KIRREL3: variants seen among roughly 807,000 people sequenced by gnomAD.
KIRREL3 encodes kin of IRRE-like protein 3.
A neutral mutation model predicts 89.7 loss-of-function variants in KIRREL3; 36 were observed. That is an observed-to-expected ratio of 0.40 (90% CI 0.31 to 0.53). The LOEUF is 0.53. Among genes scored for constraint, KIRREL3 ranks in the 20% least tolerant of loss-of-function variants. The pLI is 0.49. For missense variants in KIRREL3, 864 were observed against 1,056.6 expected (o/e 0.82, Z 2.53); for synonymous variants, 445 against 441.4 (o/e 1.01, Z -0.10).
chr11:126,500,566 C>T (rs894928310), intron 4 of KIRREL3, among the ~76,000 whole-genome samples: 2 of 152,006 alleles, frequency 1.3e-5, no homozygotes, highest in Non-Finnish European at 2.9e-5. Context: ...ATGGTGAAAC[C>T]CCGTCTCTAC....
rs1400381344 is a variant in KIRREL3, at chr11:126,993,411, G to A, written c.55+7044C>T. ...TTTGCATACACTGTAAGGTATGTAAGAGACTGGAAATCGCTTTTCATGCTT... is the reference window on the plus strand; with the variant it reads ...TTTGCATACACTGTAAGGTATGTAAAAGACTGGAAATCGCTTTTCATGCTT... On this transcript the variant is annotated intron_variant, in intron 1 of 16. Transcript: ENST00000525144. The surrounding 1 kb of genome is among the most constrained non-coding windows in gnomAD (Gnocchi z 6.1). Among the ~76,000 whole-genome samples, 1 of 152,202 alleles carries A rather than the reference G, an allele frequency of 6.6e-6. No homozygotes were observed. The highest frequency in any genetic ancestry group is 1.9e-4 in the East Asian group (1 of 5,198).
rs1248523638 is a variant in KIRREL3 at position 126,578,684 on chromosome 11, G to C, written c.56-15772C>G. ...CGCCTCACACCCATGGAGAGTTCTC[G>C]CAATGGGTATGGCAAACTTCCTGAC... On this transcript the variant is annotated intron_variant, in intron 1 of 16. Transcript: ENST00000525144. This position sits in a 1 kb window ranked among gnomAD's most constrained non-coding sequence, Gnocchi z 4.9. 2.6e-5 allele frequency among the ~76,000 whole-genome samples: 4 copies of C among 152,118 alleles called. No homozygotes were observed. The highest frequency in any genetic ancestry group is 7.2e-5 in the African/African-American group (3 of 41,426).
At position 126,477,252 on chromosome 11, in the gene KIRREL3, A is replaced by G. The variant is rs560125442; in HGVS notation, c.434-3786T>C. 1.3e-3 allele frequency among the ~76,000 whole-genome samples: 196 copies of G among 152,368 alleles called. 1 individual carries two copies. Among genetic ancestry groups the G allele is most frequent in the Middle Eastern group, 6.8e-3 (2 of 294 alleles). ...TTTACAGTTTACTCTCCCATTGGCCAGGACTGGAGCAGGCAGCTTCAGTCT... is the reference window on the plus strand; with the variant it reads ...TTTACAGTTTACTCTCCCATTGGCCGGGACTGGAGCAGGCAGCTTCAGTCT... On this transcript the variant is annotated intron_variant, in intron 4 of 16. Transcript: ENST00000525144. This position sits in a 1 kb window ranked among gnomAD's most constrained non-coding sequence, Gnocchi z 4.8.
chr11:126,835,444 G>C (rs80175076), intron 1 of KIRREL3, among the ~76,000 whole-genome samples: 2,046 of 152,294 alleles, frequency 0.013, 46 homozygotes, highest in African/African-American at 0.047. Context: ...CAGAAAGATT[G>C]AAGCTCCTTG....
Position 126,455,562 on chromosome 11 carries a change from G to T in KIRREL3, c.848+787C>A, listed in dbSNP as rs1285829440. On this transcript the variant is annotated intron_variant, in intron 7 of 16. Coordinates refer to ENST00000525144, the MANE Select transcript of KIRREL3 (RefSeq NM_032531.4). The surrounding 1 kb of genome is among the most constrained non-coding windows in gnomAD (Gnocchi z 6.4). ...CCAGCACTTTGGGAGGCTGAGGCAGGTGGATCACGAGGTCAGGAGATCGAG... is the reference window on the plus strand; with the variant it reads ...CCAGCACTTTGGGAGGCTGAGGCAGTTGGATCACGAGGTCAGGAGATCGAG... Among the ~76,000 whole-genome samples, 2 of 152,032 alleles carry T rather than the reference G, an allele frequency of 1.3e-5. No homozygotes were observed. Among genetic ancestry groups the T allele is most frequent in the Non-Finnish European group, 2.9e-5 (2 of 68,012 alleles).
chr11:126,728,039 T>C (rs1343023270), intron 1 of KIRREL3, among the ~76,000 whole-genome samples: 1 of 151,926 alleles, frequency 6.6e-6, no homozygotes, highest in African/African-American at 2.4e-5. Context: ...CTGATGCACC[T>C]GGCATGACAC....
intron 1 of KIRREL3, among the ~76,000 whole-genome samples, chr11:126,882,135 C>T (rs1222504392): frequency 6.6e-6 from 1 of 152,114 alleles, no homozygotes; most frequent in Non-Finnish European, 1.5e-5. Flanking sequence ...CTTTGTTCAC[C>T]CTGACTCCTG....
chr11:126,674,973 G>T (rs1946121984), intron 1 of KIRREL3, among the ~76,000 whole-genome samples: 2 of 152,190 alleles, frequency 1.3e-5, no homozygotes, highest in South Asian at 4.1e-4. Context: ...GCACCTGATG[G>T]GATTTGCCTC....
Position 126,694,283 on chromosome 11 carries a change from C to G in KIRREL3, c.56-131371G>C, listed in dbSNP as rs1386121895. 6.6e-6 allele frequency among the ~76,000 whole-genome samples: 1 copy of G among 152,152 alleles called. No homozygotes were observed. Among genetic ancestry groups the G allele is most frequent in the Admixed American group, 6.5e-5 (1 of 15,282 alleles). ...GAAATGCTCACTGCAAATGGTTGTT[C>G]TTGTTTTATTGCTTATTTATGGGAA... On this transcript the variant is annotated intron_variant, in intron 1 of 16. Transcript: ENST00000525144. This position sits in a 1 kb window ranked among gnomAD's most constrained non-coding sequence, Gnocchi z 4.4.
At chr11:126,770,335 C>A (rs76976605) in intron 1 of KIRREL3, among the ~76,000 whole-genome samples, 8,450 of 152,232 alleles carry the variant, frequency 0.056, 306 homozygotes, top group Non-Finnish European at 0.084. Flanking sequence ...TCTGGTTGGT[C>A]CCCAAGACTT....
chr11:126,599,767 G>T (rs1369311121), intron 1 of KIRREL3, among the ~76,000 whole-genome samples: 1 of 152,214 alleles, frequency 6.6e-6, no homozygotes, highest in African/African-American at 2.4e-5. Flanking sequence ...CCTTCACTGT[G>T]GTTGAAGGGC....
Position 126,490,664 on chromosome 11 carries a change from G to A in KIRREL3, c.434-17198C>T, listed in dbSNP as rs1196441080. 6.6e-6 allele frequency among the ~76,000 whole-genome samples: 1 copy of A among 152,308 alleles called. No homozygotes were observed. On this transcript the variant is annotated intron_variant, in intron 4 of 16. Coordinates refer to ENST00000525144, the MANE Select transcript of KIRREL3 (RefSeq NM_032531.4). This position sits in a 1 kb window ranked among gnomAD's most constrained non-coding sequence, Gnocchi z 4.2. ...TAAGAGGGATAATAATTCTGTGAAG[G>A]TTAGGAGAAGTTCCATGGGATGGCA... is the stretch of plus-strand genomic sequence containing the variant.
chr11:126,849,793 C>T (rs1366816803), intron 1 of KIRREL3, among the ~76,000 whole-genome samples: 3 of 152,094 alleles, frequency 2.0e-5, no homozygotes, highest in African/African-American at 7.2e-5. Context: ...GCGGCTTTTC[C>T]AATGGATGCA....
Position 127,000,695 on chromosome 11 carries a change from C to T in KIRREL3, c.-186G>A, listed in dbSNP as rs538470105. 29 of 563,798 alleles carry T rather than the reference C, an allele frequency of 5.1e-5. No homozygotes were observed. In the East Asian group the frequency reaches 8.3e-4, roughly 16 times the overall value. 34.9% of individuals were successfully genotyped at this position (563,798 alleles called of 1,614,324 possible). On this transcript the variant is annotated 5_prime_UTR_variant, in exon 1 of 17. It adds an upstream start codon to the 5' untranslated region. Transcript: ENST00000525144. This position sits in a 1 kb window ranked among gnomAD's most constrained non-coding sequence, Gnocchi z 7.1. Reference sequence around the variant, plus strand: ...TCTGGGTATCTGCAGCCAGCCGACACAAACTGCCTGTTCTTAGCCGCCTCG... The same window carrying T: ...TCTGGGTATCTGCAGCCAGCCGACATAAACTGCCTGTTCTTAGCCGCCTCG...
intron 1 of KIRREL3, among the ~76,000 whole-genome samples, chr11:126,829,274 C>T (rs568830441): frequency 6.6e-6 from 1 of 152,148 alleles, no homozygotes; most frequent in East Asian, 1.9e-4. Flanking sequence ...AATGGCAAAG[C>T]CAAGAGGGTT....
At position 126,561,750 on chromosome 11, in the gene KIRREL3, C is replaced by T. The variant is rs2134582615; in HGVS notation, c.133+1085G>A. Among the ~76,000 whole-genome samples the T allele has an allele frequency of 6.6e-6, 1 of 152,290 alleles. No homozygotes were observed. The highest frequency in any genetic ancestry group is 1.9e-4 in the East Asian group (1 of 5,172). ...TGATCACTTCCTGTGCTTAATTGTG[C>T]TGGCCTAACTCTTGTCAGATTGTCA... On this transcript the variant is annotated intron_variant, in intron 2 of 16. Transcript: ENST00000525144. This position sits in a 1 kb window ranked among gnomAD's most constrained non-coding sequence, Gnocchi z 4.5.
chr11:126,643,186 C>T lies in KIRREL3; in HGVS notation c.56-80274G>A, dbSNP rs551317152. 2.0e-4 allele frequency among the ~76,000 whole-genome samples: 30 copies of T among 152,156 alleles called. No individual in the cohort carries two copies. In the East Asian group the frequency reaches 5.8e-3, roughly 29 times the overall value. On this transcript the variant is annotated intron_variant, in intron 1 of 16. Coordinates refer to ENST00000525144, the MANE Select transcript of KIRREL3 (RefSeq NM_032531.4). This position sits in a 1 kb window ranked among gnomAD's most constrained non-coding sequence, Gnocchi z 4.5. ...AGCTTCAATTTTCCTATTTCTATAA[C>T]AAGAATATTAATGGTATCTATTTCA...
intron 4 of KIRREL3, among the ~76,000 whole-genome samples, chr11:126,483,295 C>T (rs1294898293): frequency 1.3e-5 from 2 of 152,350 alleles, no homozygotes; most frequent in East Asian, 3.9e-4. Context: ...ACACAATTTT[C>T]CCATGGCATT....
chr11:126,935,634 T>C (rs1306883524), intron 1 of KIRREL3: 1 of 152,200 alleles, frequency 6.6e-6, no homozygotes, highest in Non-Finnish European at 1.5e-5. Context: ...CTGAAAAGGC[T>C]ACACATACTA....
Sources: gnomAD v4.1 joint callset for allele counts (sites outside exome capture counted in the v4.1 genomes callset) on GRCh38, gnomAD v4.1.1 for gene constraint, Gnocchi (gnomAD v3.1) non-coding constraint, MANE v1.5 for transcripts, NCBI Gene and HGNC (gene_info 2026-07-23, HGNC 2026-07-21) for gene names.